Variants in FBXL20 observed in about 807,000 individuals in gnomAD.
The protein encoded by FBXL20 is F-box/LRR-repeat protein 20.
Under a neutral mutation model 64.0 loss-of-function variants are expected in FBXL20, and 11 were observed. That is an observed-to-expected ratio of 0.17 (90% CI 0.11 to 0.28). The LOEUF (loss-of-function observed/expected upper bound fraction) is 0.28, where lower values mean the gene tolerates loss of function less well. FBXL20 is among the 10% of genes least tolerant of loss of function. The pLI, the probability that FBXL20 is intolerant of heterozygous loss-of-function variation, is 1.00. For missense variants in FBXL20, 303 were observed against 526.2 expected (o/e 0.58, Z 4.15); for synonymous variants, 184 against 189.0 (o/e 0.97, Z 0.22).
At chr17:39,273,890 T>C (rs890239407) in intron 10 of FBXL20, among the ~76,000 whole-genome samples, 5 of 151,832 alleles carry the variant, frequency 3.3e-5, no homozygotes, top group East Asian at 1.9e-4. Flanking sequence ...ATTACTGTTA[T>C]TGAGAAAGAG....
At chr17:39,264,627 T>G (rs1405142611) in intron 13 of FBXL20, among the ~76,000 whole-genome samples, 1 of 152,240 alleles carries the variant, frequency 6.6e-6, no homozygotes, top group African/African-American at 2.4e-5. Context: ...GTAATGACTA[T>G]GAAGTAGTTC....
chr17:39,269,243 G>C (rs1004677001), intron 11 of FBXL20, among the ~76,000 whole-genome samples: 10 of 152,014 alleles, frequency 6.6e-5, no homozygotes, highest in Admixed American at 2.6e-4. Flanking sequence ...ACCTAGGCTG[G>C]AATGCAGTGG....
Position 39,327,917 on chromosome 17 carries a change from G to A in FBXL20, c.104+15263C>T, listed in dbSNP as rs146216445. 1.3e-5 allele frequency among the ~76,000 whole-genome samples: 2 copies of A among 152,150 alleles called. 1 individual carries two copies. Among genetic ancestry groups the A allele is most frequent in the Non-Finnish European group, 2.9e-5 (2 of 68,022 alleles). On this transcript the variant is annotated intron_variant, in intron 2 of 14. Coordinates refer to ENST00000264658, the MANE Select transcript of FBXL20 (RefSeq NM_032875.3). ...TCTTATGAGAAAGTCTAGAAGCAATGCCACTCAGGAGCAATGAGCATATCT... is the reference window on the plus strand; with the variant it reads ...TCTTATGAGAAAGTCTAGAAGCAATACCACTCAGGAGCAATGAGCATATCT...
intron 1 of FBXL20, among the ~76,000 whole-genome samples, chr17:39,348,930 A>G (rs1211528301): frequency 6.6e-6 from 1 of 151,996 alleles, no homozygotes; most frequent in African/African-American, 2.4e-5. Context: ...CCTGAGCTCA[A>G]CAGATCCTCC....
At chr17:39,354,832 TAAC>T (rs1194582890) in intron 1 of FBXL20, among the ~76,000 whole-genome samples, 2 of 152,194 alleles carry the variant, frequency 1.3e-5, no homozygotes, top group Non-Finnish European at 2.9e-5. Flanking sequence ...ACAAATAAAA[TAAC>T]AATTAAAATA....
At chr17:39,328,035 G>A (rs1221074450) in intron 2 of FBXL20, among the ~76,000 whole-genome samples, 1 of 151,980 alleles carries the variant, frequency 6.6e-6, no homozygotes, top group East Asian at 1.9e-4. Context: ...ATCACATGAG[G>A]TCAGGAGTTT....
chr17:39,304,957 G>A lies in FBXL20; in HGVS notation c.105-1318C>T, dbSNP rs557796516. Among the ~76,000 whole-genome samples the A allele has an allele frequency of 2.8e-3, 424 of 152,022 alleles. 3 individuals are homozygous for A. Among genetic ancestry groups the A allele is most frequent in the Admixed American group, 5.6e-3 (85 of 15,258 alleles). ...TTTTTAGTAGAGATGGGGTTTCACCGTGTTGGGCAGGCTGGTCTCAAACTC... is the reference window on the plus strand; with the variant it reads ...TTTTTAGTAGAGATGGGGTTTCACCATGTTGGGCAGGCTGGTCTCAAACTC... On this transcript the variant is annotated intron_variant, in intron 2 of 14. Coordinates refer to ENST00000264658, the MANE Select transcript of FBXL20 (RefSeq NM_032875.3).
intron 7 of FBXL20, among the ~76,000 whole-genome samples, chr17:39,283,595 C>T (rs1024319335): frequency 2.0e-5 from 3 of 152,120 alleles, no homozygotes; most frequent in African/African-American, 4.8e-5. Flanking sequence ...ATTTTTGAAA[C>T]GGGGATATTC....
At chr17:39,287,255 C>A (rs147634374) in intron 6 of FBXL20, among the ~76,000 whole-genome samples, 2 of 152,078 alleles carry the variant, frequency 1.3e-5, no homozygotes, top group Admixed American at 6.5e-5. Context: ...TTATTAATAT[C>A]ATCTGATACT....
Position 39,400,355 on chromosome 17 carries a change from T to TA in FBXL20, c.42+1005dup, listed in dbSNP as rs562291520. Among the ~76,000 whole-genome samples the TA allele has an allele frequency of 1.2e-3, 184 of 152,306 alleles. 1 individual carries two copies. The highest frequency in any genetic ancestry group is 2.2e-3 in the Non-Finnish European group (153 of 68,022). On this transcript the variant is annotated intron_variant, in intron 1 of 14. Transcript: ENST00000264658. Reference sequence around the variant, plus strand: ...CCCTGAACCTAGTTGTCGAGTTTCTTAAACTTTTGTCTCGCCGTCTTACAA... The same window carrying TA: ...CCCTGAACCTAGTTGTCGAGTTTCTTAAAACTTTTGTCTCGCCGTCTTACAA...
chr17:39,312,568 CTTTT>C (rs750605079), intron 2 of FBXL20, among the ~76,000 whole-genome samples: 6 of 91,714 alleles, frequency 6.5e-5, no homozygotes, highest in African/African-American at 2.9e-4. Flanking sequence ...TAAATTCTAT[CTTTT>C]TTTTTTTTTT....
chr17:39,400,990 T>G (rs1467690720), intron 1 of FBXL20, among the ~76,000 whole-genome samples: 2 of 151,250 alleles, frequency 1.3e-5, no homozygotes, highest in Non-Finnish European at 3.0e-5. Context: ...GTCATGAAGG[T>G]AGCAGCGAGA....
intron 6 of FBXL20, among the ~76,000 whole-genome samples, chr17:39,288,337 G>A (rs971424035): frequency 1.3e-5 from 2 of 152,048 alleles, no homozygotes; most frequent in East Asian, 1.9e-4. Flanking sequence ...CAAGACTTCA[G>A]CCCATTTTTG....
At chr17:39,284,894 G>A (rs532814165) in intron 7 of FBXL20, among the ~76,000 whole-genome samples, 1 of 152,086 alleles carries the variant, frequency 6.6e-6, no homozygotes, top group Admixed American at 6.6e-5. Flanking sequence ...TCTGGCTCCA[G>A]ATACCTGTTT....
chr17:39,323,115 G>A (rs996831604), intron 2 of FBXL20, among the ~76,000 whole-genome samples: 1 of 151,916 alleles, frequency 6.6e-6, no homozygotes, highest in Non-Finnish European at 1.5e-5. Context: ...GACTACATGC[G>A]CCTGCCACTG....
At chr17:39,321,629 A>G (rs946115961) in intron 2 of FBXL20, among the ~76,000 whole-genome samples, 1 of 151,056 alleles carries the variant, frequency 6.6e-6, no homozygotes, top group Non-Finnish European at 1.5e-5. Context: ...AATATACAAA[A>G]ATTAGCTGGG....
At chr17:39,382,092 CAAA>C (rs36115875) in intron 1 of FBXL20, among the ~76,000 whole-genome samples, 981 of 71,396 alleles carry the variant, frequency 0.014, 11 homozygotes, top group African/African-American at 0.045. Context: ...GACTCCGTCT[CAAA>C]AAAAAAAAAA....
chr17:39,398,975 T>G (rs1229599030), intron 1 of FBXL20, among the ~76,000 whole-genome samples: 1 of 152,124 alleles, frequency 6.6e-6, no homozygotes, highest in African/African-American at 2.4e-5. Context: ...GCCCGGCCCC[T>G]TGGTTTTAAA....
At chr17:39,332,574 G>A (rs987447401) in intron 2 of FBXL20, among the ~76,000 whole-genome samples, 6 of 124,786 alleles carry the variant, frequency 4.8e-5, no homozygotes, top group Admixed American at 2.1e-4. Flanking sequence ...ACAGAGTCTC[G>A]CTCTGTGCCC....
Sources: gnomAD v4.1 joint callset for allele counts (sites outside exome capture counted in the v4.1 genomes callset) on GRCh38, gnomAD v4.1.1 for gene constraint, MANE v1.5 for transcripts, NCBI Gene and HGNC (gene_info 2026-07-23, HGNC 2026-07-21) for gene names.